The following EYS variants were observed in gnomAD, a reference collection of about 807,000 sequenced individuals.
EYS encodes the protein protein eyes shut homolog.
In EYS, 250 loss-of-function variants were observed where a neutral mutation model predicts 282.1. That is an observed-to-expected ratio of 0.89 (90% confidence interval 0.80 to 0.98). The LOEUF is 0.98. Ranked by LOEUF, EYS falls within the 50% of genes least tolerant of loss-of-function variation. The pLI is 0.00. For synonymous variants in EYS, 1,355 were observed against 1,282.9 expected (o/e 1.06, Z -1.20); for missense variants, 4,016 against 3,709.0 (o/e 1.08, Z -2.15).
At chr6:64,490,734 T>A (rs968897900) in intron 26 of EYS, among the ~76,000 whole-genome samples, 4 of 150,824 alleles carry the variant, frequency 2.7e-5, no homozygotes, top group Non-Finnish European at 4.5e-5. Flanking sequence ...ACTTTTTAAA[T>A]TTTTTTCAGT....
intron 22 of EYS, among the ~76,000 whole-genome samples, chr6:64,676,664 T>C (rs149132726): frequency 6.6e-6 from 1 of 152,290 alleles, no homozygotes; most frequent in African/African-American, 2.4e-5. Context: ...TGGTAGCTTA[T>C]GAATAATAGA....
chr6:64,356,642 A>G (rs979294275), intron 29 of EYS, among the ~76,000 whole-genome samples: 5 of 151,608 alleles, frequency 3.3e-5, no homozygotes, highest in Admixed American at 3.3e-4. Flanking sequence ...CATTGGAAGA[A>G]TTCGTTGATC....
chr6:63,988,273 AC>A (rs1383211047), intron 34 of EYS, among the ~76,000 whole-genome samples: 16 of 151,700 alleles, frequency 1.1e-4, no homozygotes, highest in Non-Finnish European at 1.9e-4. Flanking sequence ...TTGATCACAC[AC>A]CTGGAAAAGT....
At chr6:65,617,560 T>C (rs1766250264) in intron 2 of EYS, among the ~76,000 whole-genome samples, 1 of 151,326 alleles carries the variant, frequency 6.6e-6, no homozygotes, top group South Asian at 2.1e-4. Flanking sequence ...TTTAAATTTA[T>C]TATTATTATA....
At chr6:64,886,930 G>T in intron 18 of EYS, 88 bp from the exon 19 acceptor site, 3 of 822,490 alleles carry the variant, frequency 3.6e-6, no homozygotes, top group Non-Finnish European at 3.6e-6. Flanking sequence ...TTAAATTCAA[G>T]ACATTCAACT....
At chr6:63,888,623 A>T (rs1000995247) in intron 35 of EYS, among the ~76,000 whole-genome samples, 13 of 152,130 alleles carry the variant, frequency 8.5e-5, no homozygotes, top group Non-Finnish European at 1.5e-4. Flanking sequence ...CCATGCAAAA[A>T]CTCCATCCAA....
intron 35 of EYS, among the ~76,000 whole-genome samples, chr6:63,980,947 G>C (rs538341433): frequency 3.3e-5 from 5 of 152,024 alleles, no homozygotes; most frequent in Admixed American, 6.6e-5. Flanking sequence ...AGTCAGTTCA[G>C]ATCCATTTTG....
chr6:64,918,425 C>T (rs781253228), intron 15 of EYS, among the ~76,000 whole-genome samples: 11 of 152,000 alleles, frequency 7.2e-5, no homozygotes, highest in East Asian at 3.9e-4. Context: ...TGACTTTACC[C>T]TTGAAGATAT....
intron 35 of EYS, among the ~76,000 whole-genome samples, chr6:63,936,471 C>A (rs1442114923): frequency 2.0e-5 from 3 of 152,062 alleles, no homozygotes; most frequent in African/African-American, 7.3e-5. Flanking sequence ...GAAGTTTAGT[C>A]TCCCCTAAAG....
chr6:65,562,703 G>T (rs1582459294), intron 2 of EYS, among the ~76,000 whole-genome samples: 1 of 152,076 alleles, frequency 6.6e-6, no homozygotes, highest in Non-Finnish European at 1.5e-5. Flanking sequence ...TATATAATTA[G>T]CCTGACTGAA....
chr6:64,550,928 A>G (rs1765055429), intron 26 of EYS, among the ~76,000 whole-genome samples: 1 of 152,138 alleles, frequency 6.6e-6, no homozygotes, highest in Admixed American at 6.6e-5. Context: ...CTCTTCAAGG[A>G]GAAATCTTTG....
At chr6:64,354,023 C>T (rs1582642681) in intron 29 of EYS, among the ~76,000 whole-genome samples, 1 of 151,704 alleles carries the variant, frequency 6.6e-6, no homozygotes. Context: ...CTTGCTTGAA[C>T]ACTGCTCTTG....
chr6:64,508,980 A>G (rs1205286771), intron 26 of EYS, among the ~76,000 whole-genome samples: 1 of 152,084 alleles, frequency 6.6e-6, no homozygotes, highest in Non-Finnish European at 1.5e-5. Context: ...TAACTTCGTT[A>G]AACAGATCAA....
At chr6:65,553,612 CATTAAG>C (rs1237010001) in intron 2 of EYS, among the ~76,000 whole-genome samples, 2 of 152,018 alleles carry the variant, frequency 1.3e-5, no homozygotes, top group Non-Finnish European at 2.9e-5. Context: ...CCAGTTCCTT[CATTAAG>C]ATTAACACTT....
intron 12 of EYS, among the ~76,000 whole-genome samples, chr6:65,169,663 A>AT (rs938611999): frequency 2.7e-5 from 4 of 150,846 alleles, no homozygotes; most frequent in South Asian, 2.1e-4. Flanking sequence ...TAAAGGCAAA[A>AT]TTTTTTTTTG....
At chr6:65,343,447 A>T (rs1474256496) in intron 10 of EYS, among the ~76,000 whole-genome samples, 1 of 151,256 alleles carries the variant, frequency 6.6e-6, no homozygotes, top group Non-Finnish European at 1.5e-5. Context: ...TAAAATGAAG[A>T]TTCTTAAATT....
intron 19 of EYS, among the ~76,000 whole-genome samples, chr6:64,849,382 G>C (rs1229917892): frequency 6.6e-6 from 1 of 151,820 alleles, no homozygotes. Flanking sequence ...AGGTAATGGA[G>C]TGAAAAAAAT....
At chr6:64,316,191 C>A (rs1053926628) in intron 29 of EYS, among the ~76,000 whole-genome samples, 6 of 152,122 alleles carry the variant, frequency 3.9e-5, no homozygotes, top group Non-Finnish European at 7.4e-5. Context: ...CACACCTATT[C>A]AATATAGTAT....
chr6:64,589,215 G>A (rs745877870), intron 26 of EYS, among the ~76,000 whole-genome samples: 41 of 151,928 alleles, frequency 2.7e-4, no homozygotes, highest in Admixed American at 9.2e-4. Flanking sequence ...AAGAAATTTT[G>A]TAGACAAAAT....
Sources: allele counts gnomAD v4.1 joint callset (sites outside exome capture counted in the v4.1 genomes callset), GRCh38; gene constraint gnomAD v4.1.1; transcripts MANE v1.5; gene names NCBI Gene and HGNC (gene_info 2026-07-23, HGNC 2026-07-21).